Variants in HMGB1 observed in about 807,000 individuals in gnomAD.
The protein encoded by HMGB1 is high mobility group protein B1.
For missense variants in HMGB1, 79 were observed against 253.5 expected, an observed-to-expected ratio of 0.31 and a Z score of 4.67; for synonymous variants, 81 against 84.0, an observed-to-expected ratio of 0.96 and a Z score of 0.19.
At chr13:30,494,868 A>C (rs1887576375) in intron 1 of HMGB1, among the ~76,000 whole-genome samples, 1 of 152,154 alleles carries the variant, frequency 6.6e-6, no homozygotes. Context: ...TGACTACTCT[A>C]GGTGGTAGAG....
At chr13:30,567,340 C>A (rs374946476) in intron 1 of HMGB1, among the ~76,000 whole-genome samples, 19 of 149,210 alleles carry the variant, frequency 1.3e-4, no homozygotes, top group African/African-American at 4.7e-4. Context: ...ACTTGTTAAC[C>A]AAATTTTTTT....
intron 1 of HMGB1, among the ~76,000 whole-genome samples, chr13:30,485,951 G>T (rs559358503): frequency 6.6e-6 from 1 of 152,102 alleles, no homozygotes; most frequent in African/African-American, 2.4e-5. Flanking sequence ...CTTGCCCGGG[G>T]CCATACACCA....
At chr13:30,492,670 C>T (rs1035087900) in intron 1 of HMGB1, among the ~76,000 whole-genome samples, 4 of 151,994 alleles carry the variant, frequency 2.6e-5, no homozygotes, top group African/African-American at 9.7e-5. Context: ...ATGGTACAAG[C>T]ACTTTGGAAA....
At chr13:30,492,218 A>G (rs1166815953) in intron 1 of HMGB1, among the ~76,000 whole-genome samples, 1 of 149,980 alleles carries the variant, frequency 6.7e-6, no homozygotes, top group Non-Finnish European at 1.5e-5. Flanking sequence ...GGCTAGGCAC[A>G]GTGGTTCATG....
chr13:30,467,045 C>G (rs140116650), upstream of HMGB1, among the ~76,000 whole-genome samples: 47 of 152,342 alleles, frequency 3.1e-4, no homozygotes, highest in African/African-American at 1.1e-3. Context: ...TGTGGTTTCT[C>G]TAACTCACCA....
chr13:30,547,525 G>T (rs765036772), intron 1 of HMGB1, among the ~76,000 whole-genome samples: 1 of 152,258 alleles, frequency 6.6e-6, no homozygotes, highest in East Asian at 1.9e-4. Flanking sequence ...GAACAGATAC[G>T]TGTTGATACA....
At chr13:30,484,666 T>A (rs1160959725) in intron 1 of HMGB1, among the ~76,000 whole-genome samples, 1 of 151,164 alleles carries the variant, frequency 6.6e-6, no homozygotes, top group Admixed American at 6.6e-5. Flanking sequence ...GCCCAGGAGT[T>A]CAAAACTAGC....
At chr13:30,470,731 C>T (rs1886901455), upstream of HMGB1, among the ~76,000 whole-genome samples, 2 of 152,254 alleles carry the variant, frequency 1.3e-5, no homozygotes, top group South Asian at 4.1e-4. Context: ...TCACTGCAAC[C>T]TCTGCCTCCT....
At chr13:30,599,525 G>A (rs1008128823) in intron 1 of HMGB1, among the ~76,000 whole-genome samples, 3 of 152,108 alleles carry the variant, frequency 2.0e-5, no homozygotes, top group Non-Finnish European at 2.9e-5. Context: ...TGGGTAGCTG[G>A]ACCAACAGAA....
intron 1 of HMGB1, among the ~76,000 whole-genome samples, chr13:30,505,315 A>G (rs1201639469): frequency 6.6e-6 from 1 of 151,988 alleles, no homozygotes; most frequent in Admixed American, 6.6e-5. Context: ...AGTAGCTGGG[A>G]TTACAGGTGC....
At chr13:30,522,167 C>G (rs1888254795) in intron 1 of HMGB1, among the ~76,000 whole-genome samples, 2 of 142,112 alleles carry the variant, frequency 1.4e-5, no homozygotes, top group Non-Finnish European at 3.0e-5. Context: ...GGTTGAAGTG[C>G]AGTGGTATGA....
Position 30,461,025 on chromosome 13 carries a change from T to C in HMGB1, c.*332A>G, listed in dbSNP as rs1456895721. 1.3e-6 allele frequency: 1 copy of C among 773,580 alleles called. No homozygotes were observed. The highest frequency in any genetic ancestry group is 1.6e-6 in the Non-Finnish European group (1 of 630,752). 47.9% of individuals were successfully genotyped at this position (773,580 alleles called of 1,614,324 possible). ...CAACAATTATTTCGTATAAGCTGCA[T>C]CAGAGACAACTGAAGATGAAAAAAC... On this transcript the variant is annotated 3_prime_UTR_variant, in exon 5 of 5. Transcript: ENST00000341423.
intron 1 of HMGB1, among the ~76,000 whole-genome samples, chr13:30,533,800 C>T (rs1312168517): frequency 3.3e-5 from 5 of 151,442 alleles, no homozygotes; most frequent in Non-Finnish European, 1.5e-5. Flanking sequence ...GTAAATTTTT[C>T]CCTTACATAA....
chr13:30,579,944 T>C (rs964096492), intron 1 of HMGB1, among the ~76,000 whole-genome samples: 4 of 152,212 alleles, frequency 2.6e-5, no homozygotes, highest in African/African-American at 7.2e-5. Flanking sequence ...GTCATGTTCA[T>C]CTGGTACAAT....
chr13:30,528,751 G>A (rs1171777337), intron 1 of HMGB1, among the ~76,000 whole-genome samples: 1 of 152,002 alleles, frequency 6.6e-6, no homozygotes, highest in Non-Finnish European at 1.5e-5. Context: ...TTTTGGGGCC[G>A]GGCGCGGTGG....
At chr13:30,511,372 A>C (rs1887988882) in intron 1 of HMGB1, among the ~76,000 whole-genome samples, 1 of 151,990 alleles carries the variant, frequency 6.6e-6, no homozygotes, top group Admixed American at 6.6e-5. Context: ...AATGAGTGAG[A>C]GCTGGTTGTT....
At chr13:30,520,566 G>A (rs1395415265) in intron 1 of HMGB1, among the ~76,000 whole-genome samples, 1 of 152,170 alleles carries the variant, frequency 6.6e-6, no homozygotes, top group Non-Finnish European at 1.5e-5. Flanking sequence ...GTTGCAGTGA[G>A]CTGTGATCAG....
chr13:30,535,449 C>CA (rs1210452593), intron 1 of HMGB1, among the ~76,000 whole-genome samples: 2 of 152,114 alleles, frequency 1.3e-5, no homozygotes, highest in South Asian at 4.1e-4. Flanking sequence ...TAGTAACTCA[C>CA]AAAAAAGGTG....
intron 1 of HMGB1, among the ~76,000 whole-genome samples, chr13:30,613,174 G>C (rs1177143669): frequency 6.6e-6 from 1 of 152,122 alleles, no homozygotes; most frequent in African/African-American, 2.4e-5. Flanking sequence ...CTACCTCCCA[G>C]GATCAAGCCA....
Sources: gnomAD v4.1 joint callset for allele counts (sites outside exome capture counted in the v4.1 genomes callset) on GRCh38, gnomAD v4.1.1 for gene constraint, MANE v1.5 for transcripts, NCBI Gene and HGNC (gene_info 2026-07-23, HGNC 2026-07-21) for gene names.